KIAA1217: variants seen among roughly 807,000 people sequenced by gnomAD.
The protein encoded by KIAA1217 is sickle tail protein homolog.
KIAA1217 carries 88 observed loss-of-function variants against 163.9 expected under a neutral mutation model. The observed-to-expected ratio is 0.54, with a 90% CI of 0.45 to 0.64. The LOEUF is 0.64. Ranked by LOEUF, KIAA1217 falls within the 30% of genes least tolerant of loss-of-function variation. The pLI is 0.00. For synonymous variants in KIAA1217, 903 were observed against 923.1 expected, an observed-to-expected ratio of 0.98 and a Z score of 0.39; for missense variants, 2,372 against 2,475.0, an observed-to-expected ratio of 0.96 and a Z score of 0.88.
intron 1 of KIAA1217, among the ~76,000 whole-genome samples, chr10:23,981,224 TTTTG>T (rs1449249672): frequency 1.3e-5 from 2 of 152,322 alleles, no homozygotes; most frequent in Admixed American, 1.3e-4. Flanking sequence ...TGTAAGGAAA[TTTTG>T]TTTAATTTAG....
chr10:23,966,347 A>C (rs534655399), intron 1 of KIAA1217, among the ~76,000 whole-genome samples: 6 of 152,022 alleles, frequency 3.9e-5, no homozygotes, highest in Non-Finnish European at 8.8e-5. Context: ...GGGTAATGGG[A>C]CTCTGAAGTC....
intron 1 of KIAA1217, among the ~76,000 whole-genome samples, chr10:23,766,190 T>C (rs1448613669): frequency 1.3e-5 from 2 of 152,250 alleles, no homozygotes; most frequent in Non-Finnish European, 2.9e-5. Context: ...AGGAGATTTT[T>C]ATGGCTTCTA....
Position 23,920,501 on chromosome 10 carries a change from G to T in KIAA1217, c.-320-86724G>T, listed in dbSNP as rs1478991678. 2.6e-5 allele frequency among the ~76,000 whole-genome samples: 4 copies of T among 152,288 alleles called. No homozygotes were observed. The East Asian group carries it at 7.7e-4, about 29-fold the overall frequency. The stretch of plus-strand genomic sequence containing the variant: ...GAGGTCTTTCAGGTTAATGACTTGT[G>T]GTGCGTCATCAGATCACATTAGACT... On this transcript the variant is annotated intron_variant, in intron 1 of 18. Coordinates refer to the KIAA1217 transcript ENST00000376462.
chr10:24,209,360 G>T, intron 1 of KIAA1217, 97 bp downstream of exon 1: 4 of 584,468 alleles, frequency 6.8e-6, no homozygotes, highest in Middle Eastern at 3.1e-4. Context: ...CCCGGCAAAG[G>T]AAAAAAAAAA....
At chr10:23,728,546 G>C (rs1227367105) in intron 1 of KIAA1217, among the ~76,000 whole-genome samples, 1 of 151,576 alleles carries the variant, frequency 6.6e-6, no homozygotes, top group Non-Finnish European at 1.5e-5. Flanking sequence ...GCTTCTTGTA[G>C]ATTCTGGATA....
chr10:24,525,118 G>T (rs886665492), intron 13 of KIAA1217, among the ~76,000 whole-genome samples: 1 of 152,184 alleles, frequency 6.6e-6, no homozygotes, highest in Non-Finnish European at 1.5e-5. Flanking sequence ...AGATCTGTGT[G>T]TGGCATTTGC....
At chr10:24,259,092 G>A (rs2075467634) in intron 2 of KIAA1217, among the ~76,000 whole-genome samples, 1 of 152,074 alleles carries the variant, frequency 6.6e-6, no homozygotes, top group African/African-American at 2.4e-5. Flanking sequence ...AGATTCCAGC[G>A]AAAATCAGCA....
chr10:24,055,887 A>G (rs903702227), intron 2 of KIAA1217, among the ~76,000 whole-genome samples: 1 of 152,112 alleles, frequency 6.6e-6, no homozygotes, highest in African/African-American at 2.4e-5. Context: ...AACAAATAAT[A>G]ACAGGAGCTG....
intron 2 of KIAA1217, among the ~76,000 whole-genome samples, chr10:24,060,449 A>G (rs952055959): frequency 6.6e-6 from 1 of 152,050 alleles, no homozygotes; most frequent in Admixed American, 6.6e-5. Context: ...TTCTTCTGCT[A>G]TGGATTTCTA....
At chr10:24,037,520 T>C (rs1335338502) in intron 2 of KIAA1217, among the ~76,000 whole-genome samples, 2 of 151,890 alleles carry the variant, frequency 1.3e-5, no homozygotes, top group Non-Finnish European at 2.9e-5. Context: ...AAATGGAACA[T>C]AGCCCACGAA....
chr10:24,380,542 T>A (rs1349006694), intron 2 of KIAA1217, among the ~76,000 whole-genome samples: 1 of 151,992 alleles, frequency 6.6e-6, no homozygotes, highest in Non-Finnish European at 1.5e-5. Context: ...TTCAGGAGGC[T>A]GAGGCACAAG....
At chr10:24,187,556 C>T (rs2066497400) in intron 2 of KIAA1217, among the ~76,000 whole-genome samples, 1 of 152,174 alleles carries the variant, frequency 6.6e-6, no homozygotes, top group Non-Finnish European at 1.5e-5. Flanking sequence ...GGGTGGGCCT[C>T]CTGCATTCAA....
chr10:24,039,221 C>T (rs1412735852), intron 2 of KIAA1217, among the ~76,000 whole-genome samples: 1 of 152,080 alleles, frequency 6.6e-6, no homozygotes, highest in Admixed American at 6.5e-5. Flanking sequence ...GCCCTAGCCA[C>T]ACTCCACTCC....
chr10:23,808,193 C>T (rs1427858894), intron 1 of KIAA1217, among the ~76,000 whole-genome samples: 1 of 152,204 alleles, frequency 6.6e-6, no homozygotes, highest in African/African-American at 2.4e-5. Flanking sequence ...CTGGCAGAGA[C>T]ATCTACAGTC....
chr10:24,059,858 C>A (rs1160911441), intron 2 of KIAA1217, among the ~76,000 whole-genome samples: 4 of 152,212 alleles, frequency 2.6e-5, no homozygotes, highest in Non-Finnish European at 5.9e-5. Flanking sequence ...AGCCACTGCG[C>A]CTGGCCTCTA....
At chr10:24,017,040 G>GTTTTTT (rs35042335) in intron 2 of KIAA1217, among the ~76,000 whole-genome samples, 6 of 130,244 alleles carry the variant, frequency 4.6e-5, no homozygotes, top group East Asian at 2.5e-4. Context: ...TAGTTTTTTT[G>GTTTTTT]TTTTTTTTTT....
At chr10:24,145,200 T>C (rs2064251904) in intron 2 of KIAA1217, among the ~76,000 whole-genome samples, 1 of 152,214 alleles carries the variant, frequency 6.6e-6, no homozygotes, top group Non-Finnish European at 1.5e-5. Context: ...TCTGACCCAT[T>C]TCCCGCGGTC....
intron 1 of KIAA1217, among the ~76,000 whole-genome samples, chr10:23,823,507 C>A (rs1182458226): frequency 6.6e-6 from 1 of 152,162 alleles, no homozygotes; most frequent in Non-Finnish European, 1.5e-5. Context: ...GGAATGGGCT[C>A]ACCTAGGTAA....
chr10:23,745,392 C>T (rs1230797337), intron 1 of KIAA1217, among the ~76,000 whole-genome samples: 3 of 152,122 alleles, frequency 2.0e-5, no homozygotes, highest in East Asian at 1.9e-4. Flanking sequence ...AACATCACGT[C>T]GAGTTGCTCG....
Sources: allele counts gnomAD v4.1 joint callset (sites outside exome capture counted in the v4.1 genomes callset), GRCh38; gene constraint gnomAD v4.1.1; transcripts MANE v1.5; gene names NCBI Gene and HGNC (gene_info 2026-07-23, HGNC 2026-07-21).